Variants in GRIN3A observed in about 807,000 individuals in gnomAD.
GRIN3A encodes glutamate receptor ionotropic, NMDA 3A.
In GRIN3A, 47 loss-of-function variants were observed where a neutral mutation model predicts 92.4. The observed-to-expected ratio is 0.51, with a 90% CI of 0.40 to 0.65. The LOEUF (loss-of-function observed/expected upper bound fraction) is 0.65, where lower values mean the gene tolerates loss of function less well. Among genes scored for constraint, GRIN3A ranks in the 30% least tolerant of loss-of-function variants. GRIN3A has a pLI of 0.00. For synonymous variants in GRIN3A, 527 were observed against 540.6 expected (o/e 0.97, Z 0.35); for missense variants, 1,324 against 1,393.1 (o/e 0.95, Z 0.79).
At chr9:101,668,415 A>C (rs2118946722) in intron 3 of GRIN3A, among the ~76,000 whole-genome samples, 1 of 152,130 alleles carries the variant, frequency 6.6e-6, no homozygotes, top group Admixed American at 6.5e-5. Context: ...TTGAGCTAAT[A>C]ATTTAGGAGT....
intron 3 of GRIN3A, among the ~76,000 whole-genome samples, chr9:101,647,775 T>C (rs567368084): frequency 3.3e-5 from 5 of 152,060 alleles, no homozygotes; most frequent in South Asian, 2.1e-4. Context: ...TGCCGGAGTA[T>C]AGTTGTTAAT....
chr9:101,718,745 C>A (rs1195163842), intron 1 of GRIN3A, among the ~76,000 whole-genome samples: 2 of 152,126 alleles, frequency 1.3e-5, no homozygotes, highest in Non-Finnish European at 2.9e-5. Context: ...TTGGTGTCAG[C>A]GTGTCTTTAA....
intron 1 of GRIN3A, among the ~76,000 whole-genome samples, chr9:101,736,883 C>T (rs761985963): frequency 1.3e-5 from 2 of 152,106 alleles, no homozygotes; most frequent in Non-Finnish European, 2.9e-5. Context: ...AGCCAGGAGT[C>T]AGGGATACCC....
chr9:101,723,321 G>A (rs900943345), intron 1 of GRIN3A, among the ~76,000 whole-genome samples: 4 of 152,092 alleles, frequency 2.6e-5, no homozygotes, highest in African/African-American at 7.2e-5. Context: ...GACCTTCGCG[G>A]TGAGTGTTAC....
intron 1 of GRIN3A, among the ~76,000 whole-genome samples, chr9:101,702,071 T>A (rs1829762896): frequency 6.6e-6 from 1 of 152,132 alleles, no homozygotes; most frequent in South Asian, 2.1e-4. Context: ...TGAGGCCAAA[T>A]TGGGCGAATC....
chr9:101,592,795 G>A (rs778795836), intron 6 of GRIN3A: 1 of 150,926 alleles, frequency 6.6e-6, no homozygotes, highest in South Asian at 2.1e-4. Flanking sequence ...CCAGTTGCCA[G>A]CTTCTTCCAA....
At chr9:101,617,577 A>T (rs62577393) in intron 5 of GRIN3A, among the ~76,000 whole-genome samples, 18,276 of 152,034 alleles carry the variant, frequency 0.12, 1,949 homozygotes, top group African/African-American at 0.29. Context: ...ATTTCTGTTT[A>T]AATACATGTA....
intron 3 of GRIN3A, among the ~76,000 whole-genome samples, chr9:101,637,045 G>A (rs1828793571): frequency 6.6e-6 from 1 of 152,072 alleles, no homozygotes; most frequent in South Asian, 2.1e-4. Context: ...GGAGGACTGA[G>A]ACCTGCTCCT....
At chr9:101,627,674 C>A (rs1828652670) in intron 4 of GRIN3A, among the ~76,000 whole-genome samples, 1 of 152,164 alleles carries the variant, frequency 6.6e-6, no homozygotes. Context: ...TATTCAACTT[C>A]ATTGAATTAC....
At chr9:101,684,094 T>TTTTC (rs542469654) in intron 2 of GRIN3A, among the ~76,000 whole-genome samples, 1,918 of 144,412 alleles carry the variant, frequency 0.013, 16 homozygotes, top group East Asian at 0.04. Context: ...CTTCCTGTCT[T>TTTTC]TTTCTTTCTT....
intron 4 of GRIN3A, among the ~76,000 whole-genome samples, chr9:101,627,709 G>A (rs1238867454): frequency 6.6e-6 from 1 of 152,172 alleles, no homozygotes; most frequent in East Asian, 1.9e-4. Context: ...TGCCATGGCA[G>A]TGTGATTTCT....
chr9:101,710,153 G>A (rs1158383932), intron 1 of GRIN3A, among the ~76,000 whole-genome samples: 1 of 152,128 alleles, frequency 6.6e-6, no homozygotes, highest in Admixed American at 6.6e-5. Context: ...AACAGGAGAG[G>A]TAATTATAGG....
intron 3 of GRIN3A, among the ~76,000 whole-genome samples, chr9:101,666,993 A>T (rs977375360): frequency 5.3e-5 from 8 of 152,002 alleles, no homozygotes; most frequent in Non-Finnish European, 1.0e-4. Flanking sequence ...TTGTTCAAAA[A>T]TGGCCATGGA....
At chr9:101,590,005 A>T (rs1254534306) in intron 6 of GRIN3A, among the ~76,000 whole-genome samples, 1 of 152,220 alleles carries the variant, frequency 6.6e-6, no homozygotes, top group Non-Finnish European at 1.5e-5. Flanking sequence ...TTAGGTTTTT[A>T]TTTAAAATCT....
intron 6 of GRIN3A, chr9:101,591,505 C>G (rs1219854603): frequency 6.6e-6 from 1 of 152,172 alleles, no homozygotes; most frequent in Non-Finnish European, 1.5e-5. Flanking sequence ...GATGCTAGAT[C>G]TCTACATGGC....
chr9:101,720,750 T>A (rs1055662747), intron 1 of GRIN3A, among the ~76,000 whole-genome samples: 4 of 152,246 alleles, frequency 2.6e-5, no homozygotes, highest in Non-Finnish European at 5.9e-5. Context: ...ATGATTTATA[T>A]GTATTGATTA....
At chr9:101,583,881 G>T (rs183311828) in intron 6 of GRIN3A, among the ~76,000 whole-genome samples, 41 of 152,226 alleles carry the variant, frequency 2.7e-4, no homozygotes, top group Non-Finnish European at 5.3e-4. Context: ...TTTTGAGACA[G>T]AGTCTCACTC....
rs199849379 is a variant in GRIN3A, at chr9:101,606,256, C to G, written c.2766+7120G>C. Among the ~76,000 whole-genome samples the G allele has an allele frequency of 2.6e-5, 4 of 152,184 alleles. No homozygotes were observed. The East Asian group carries it at 7.7e-4, about 29-fold the overall frequency. On this transcript the variant is annotated intron_variant, in intron 6 of 8. Transcript: ENST00000361820. ...TGGACATTCTTCTGCCCTTCCAGAT[C>G]GACTCTCCATCTTTCTTCCTCCTGC...
intron 1 of GRIN3A, among the ~76,000 whole-genome samples, chr9:101,695,753 C>A (rs371861532): frequency 2.0e-5 from 3 of 152,102 alleles, no homozygotes; most frequent in Middle Eastern, 3.2e-3. Flanking sequence ...CCCAATGACT[C>A]GTAGTATTCT....
Sources: allele counts gnomAD v4.1 joint callset (sites outside exome capture counted in the v4.1 genomes callset), GRCh38; gene constraint gnomAD v4.1.1; transcripts MANE v1.5; gene names NCBI Gene and HGNC (gene_info 2026-07-23, HGNC 2026-07-21).